The following ZC3H12B variants were observed in gnomAD, a reference collection of about 807,000 sequenced individuals.
ZC3H12B encodes zinc finger CCCH-type containing 12B.
Under a neutral mutation model 43.9 loss-of-function variants are expected in ZC3H12B, and 7 were observed. That is an observed-to-expected ratio of 0.16 (90% CI 0.09 to 0.30). ZC3H12B has a LOEUF of 0.30. Among genes scored for constraint, ZC3H12B ranks in the 10% least tolerant of loss-of-function variants. ZC3H12B has a pLI of 1.00. For missense variants in ZC3H12B, 475 were observed against 670.2 expected (o/e 0.71, Z 3.22); for synonymous variants, 222 against 241.7 (o/e 0.92, Z 0.76).
At chrX:65,068,671 G>T in the ZC3H12B span, among the ~76,000 whole-genome samples, 1 of 111,645 alleles carries the variant, frequency 9.0e-6, no homozygotes, top group Non-Finnish European at 1.9e-5. Context: ...CTGTGACAGT[G>T]TTATAATATT....
chrX:65,250,637 C>A, the ZC3H12B span, among the ~76,000 whole-genome samples: 37 of 111,787 alleles, frequency 3.3e-4, no homozygotes, highest in Non-Finnish European at 6.0e-4. Flanking sequence ...TTCTAACTGG[C>A]ATGAGATGGT....
the ZC3H12B span, among the ~76,000 whole-genome samples, chrX:65,097,997 G>A: frequency 9.0e-6 from 1 of 111,220 alleles, no homozygotes; most frequent in African/African-American, 3.3e-5. Flanking sequence ...AGCTGCTTAA[G>A]GGCTGTTTGA....
At chrX:65,242,875 A>T in the ZC3H12B span, among the ~76,000 whole-genome samples, 2 of 112,573 alleles carry the variant, frequency 1.8e-5, no homozygotes, top group East Asian at 5.5e-4. Flanking sequence ...AACATATTTG[A>T]GAAAGGACCA....
chrX:65,130,438 ATT>A, the ZC3H12B span, among the ~76,000 whole-genome samples: 107 of 111,046 alleles, frequency 9.6e-4, 1 homozygote, highest in Middle Eastern at 9.2e-3. Context: ...ACCAAGGGGT[ATT>A]TTAGTTTCCT....
the ZC3H12B span, among the ~76,000 whole-genome samples, chrX:65,058,444 C>T: frequency 8.9e-6 from 1 of 111,977 alleles, no homozygotes; most frequent in East Asian, 2.8e-4. Flanking sequence ...GAAGTTTTGT[C>T]TCAGAGGGGT....
chrX:65,222,482 G>T, the ZC3H12B span, among the ~76,000 whole-genome samples: 1 of 110,019 alleles, frequency 9.1e-6, no homozygotes, highest in African/African-American at 3.3e-5. Flanking sequence ...GCTGATAAAT[G>T]AATTCAGCAA....
chrX:65,324,408 T>G, the ZC3H12B span, among the ~76,000 whole-genome samples: 1 of 111,674 alleles, frequency 9.0e-6, no homozygotes. Flanking sequence ...GGTTGTTTAT[T>G]TGAGACCTTT....
the ZC3H12B span, among the ~76,000 whole-genome samples, chrX:65,156,718 G>A: frequency 9.1e-6 from 1 of 110,473 alleles, no homozygotes; most frequent in Non-Finnish European, 1.9e-5. Flanking sequence ...ATCTCTCCAT[G>A]TTGCCCAGGC....
chrX:65,054,102 CTTTAG>C, the ZC3H12B span, among the ~76,000 whole-genome samples: 77 of 112,079 alleles, frequency 6.9e-4, no homozygotes, highest in Non-Finnish European at 1.1e-3. Context: ...TGCAGAAGCT[CTTTAG>C]TTTAATTAGA....
the ZC3H12B span, among the ~76,000 whole-genome samples, chrX:65,043,712 C>A: frequency 9.0e-6 from 1 of 111,153 alleles, no homozygotes; most frequent in Middle Eastern, 4.7e-3. Flanking sequence ...TACAGTGAAA[C>A]CGAAATAATA....
At chrX:65,218,137 G>A in the ZC3H12B span, among the ~76,000 whole-genome samples, 2 of 112,283 alleles carry the variant, frequency 1.8e-5, no homozygotes, top group Admixed American at 9.4e-5. Context: ...GTGCCAGGAG[G>A]GAATGATGTG....
At chrX:65,487,195 T>C (rs943174452), upstream of ZC3H12B, among the ~76,000 whole-genome samples, 1 of 112,927 alleles carries the variant, frequency 8.9e-6, no homozygotes, top group African/African-American at 3.2e-5. Context: ...AAAGTAAGCA[T>C]GCAGTTATGC....
chrX:65,159,567 T>A, the ZC3H12B span, among the ~76,000 whole-genome samples: 5 of 111,990 alleles, frequency 4.5e-5, no homozygotes. Flanking sequence ...GCTCTCTGTC[T>A]GTTATTGGTG....
At chrX:65,311,547 G>A in the ZC3H12B span, among the ~76,000 whole-genome samples, 1 of 111,976 alleles carries the variant, frequency 8.9e-6, no homozygotes, top group African/African-American at 3.2e-5. Flanking sequence ...CTGTTGGTGG[G>A]ACTGTAAACT....
At chrX:65,203,330 G>C in the ZC3H12B span, among the ~76,000 whole-genome samples, 1 of 111,478 alleles carries the variant, frequency 9.0e-6, no homozygotes, top group South Asian at 3.8e-4. Context: ...AGCTCAAAAT[G>C]TTCTGTGTTA....
the ZC3H12B span, among the ~76,000 whole-genome samples, chrX:65,199,513 C>T: frequency 9.1e-6 from 1 of 110,142 alleles, no homozygotes; most frequent in Non-Finnish European, 1.9e-5. Context: ...AGACGTGTGC[C>T]ATGCTGGTTT....
At chrX:65,061,501 CT>C in the ZC3H12B span, among the ~76,000 whole-genome samples, 2 of 112,292 alleles carry the variant, frequency 1.8e-5, no homozygotes, top group Non-Finnish European at 3.8e-5. Flanking sequence ...TGAACTCATT[CT>C]TTTTTATGAC....
At chrX:65,406,543 G>A (rs2066823848) in intron 3 of ZC3H12B, among the ~76,000 whole-genome samples, 1 of 94,320 alleles carries the variant, frequency 1.1e-5, no homozygotes, top group African/African-American at 4.2e-5. Context: ...GCGGGCTAGC[G>A]TCCCCCGCCC....
the ZC3H12B span, among the ~76,000 whole-genome samples, chrX:65,237,935 C>A: frequency 9.0e-6 from 1 of 111,714 alleles, no homozygotes; most frequent in Admixed American, 9.5e-5. Flanking sequence ...GGAGGATAAG[C>A]ATTTTGATGT....
Sources: allele counts gnomAD v4.1 joint callset (sites outside exome capture counted in the v4.1 genomes callset), GRCh38; gene constraint gnomAD v4.1.1; transcripts MANE v1.5; gene names NCBI Gene and HGNC (gene_info 2026-07-23, HGNC 2026-07-21).